SH3KBP1: variants seen among roughly 807,000 people sequenced by gnomAD.
SH3KBP1 encodes SH3 domain containing kinase binding protein 1, also known as SH3 domain-containing kinase-binding protein 1.
SH3KBP1 carries 8 observed loss-of-function variants against 50.1 expected under a neutral mutation model. The observed-to-expected ratio is 0.16, with a 90% CI of 0.09 to 0.29. SH3KBP1 has a LOEUF of 0.29. SH3KBP1 is among the 10% of genes least tolerant of loss of function. SH3KBP1 has a pLI of 1.00. For synonymous variants in SH3KBP1, 227 were observed against 218.6 expected, an observed-to-expected ratio of 1.04 and a Z score of -0.34; for missense variants, 377 against 535.2, an observed-to-expected ratio of 0.70 and a Z score of 2.92.
chrX:19,653,948 T>C (rs2062205187), intron 6 of SH3KBP1, among the ~76,000 whole-genome samples: 1 of 110,866 alleles, frequency 9.0e-6, no homozygotes, highest in African/African-American at 3.3e-5. Flanking sequence ...AATGGGAAAC[T>C]TTCTCTGAAT....
chrX:19,620,373 A>G (rs1033471810), intron 8 of SH3KBP1, among the ~76,000 whole-genome samples: 4 of 112,281 alleles, frequency 3.6e-5, no homozygotes, highest in Non-Finnish European at 7.5e-5. Flanking sequence ...GTAAATTCCT[A>G]TCTTCCACTT....
intron 2 of SH3KBP1, among the ~76,000 whole-genome samples, chrX:19,793,737 T>C (rs1169446905): frequency 9.0e-6 from 1 of 111,528 alleles, no homozygotes; most frequent in Non-Finnish European, 1.9e-5. Flanking sequence ...AACTTGGCAG[T>C]GATTTTTACT....
At chrX:19,742,161 C>T (rs1261019971) in intron 3 of SH3KBP1, among the ~76,000 whole-genome samples, 4 of 110,211 alleles carry the variant, frequency 3.6e-5, no homozygotes, top group African/African-American at 1.3e-4. Flanking sequence ...AGTGCAGTGG[C>T]GCTATCACAG....
At chrX:19,558,327 T>G (rs999019033) in intron 13 of SH3KBP1, among the ~76,000 whole-genome samples, 4 of 112,504 alleles carry the variant, frequency 3.6e-5, no homozygotes, top group Non-Finnish European at 7.5e-5. Flanking sequence ...AAAATAATTT[T>G]GGAAACCCTT....
Position 19,592,062 on chromosome X carries a change from C to T in SH3KBP1, c.1138+5G>A. The T allele has an allele frequency of 8.4e-7, 1 of 1,190,997 alleles. No homozygotes were observed. On this transcript the variant is annotated splice_donor_5th_base_variant and intron_variant, in intron 11 of 17. Transcript: ENST00000397821. ...GGAAGTGCCAATGAAGAATTGATTTCATACCTTTTTCTTCTGTTCTGTTTG... is the reference window on the plus strand; with the variant it reads ...GGAAGTGCCAATGAAGAATTGATTTTATACCTTTTTCTTCTGTTCTGTTTG...
chrX:19,844,643 T>A (rs192754514), intron 1 of SH3KBP1, among the ~76,000 whole-genome samples: 1 of 111,636 alleles, frequency 9.0e-6, no homozygotes, highest in East Asian at 2.8e-4. Context: ...CTGTGGGCCT[T>A]GAGTCCCCTA....
intron 4 of SH3KBP1, among the ~76,000 whole-genome samples, chrX:19,704,024 T>C (rs1394808525): frequency 9.0e-6 from 1 of 111,179 alleles, no homozygotes; most frequent in Non-Finnish European, 1.9e-5. Context: ...TTTTATATTA[T>C]ACAGTGACAA....
At chrX:19,687,488 C>T (rs2063191978) in intron 5 of SH3KBP1, 3 of 554,745 alleles carry the variant, frequency 5.4e-6, no homozygotes, top group Admixed American at 2.7e-5. Flanking sequence ...AAGTCCATGT[C>T]CTTGGATCAG....
At position 19,588,860 on chromosome X, in the gene SH3KBP1, T is replaced by C. The variant is rs753556238; in HGVS notation, c.1139-58A>G. 3.0e-5 allele frequency: 28 copies of C among 941,623 alleles called. 1 individual carries two copies. Among genetic ancestry groups the C allele is most frequent in the Non-Finnish European group, 3.6e-5 (26 of 715,625 alleles). The allele number at this position is 941,623 out of a possible 1,213,427, so 77.6% of individuals were successfully genotyped here. A position where few individuals can be genotyped will look rare whatever the true frequency, so the allele number is the denominator to read the frequency against. ...TCGAGTGTAAGTGACAGTACTTAGA[T>C]GCAGATCACTCATTTCCTGCTAAAA... On this transcript the variant is annotated intron_variant, in intron 11 of 17. Coordinates refer to ENST00000397821, the MANE Select transcript of SH3KBP1 (RefSeq NM_031892.3).
intron 4 of SH3KBP1, among the ~76,000 whole-genome samples, chrX:19,698,635 G>C (rs1485529031): frequency 8.9e-6 from 1 of 111,962 alleles, no homozygotes; most frequent in African/African-American, 3.2e-5. Flanking sequence ...AGCCCTTCAT[G>C]GGGGTGGTGG....
chrX:19,858,438 T>A (rs1452331597), intron 1 of SH3KBP1, among the ~76,000 whole-genome samples: 4 of 110,652 alleles, frequency 3.6e-5, no homozygotes, highest in Non-Finnish European at 7.6e-5. Flanking sequence ...CTGGCCAACA[T>A]AGTGAGATCC....
At chrX:19,605,033 C>T (rs1220443542) in intron 9 of SH3KBP1, among the ~76,000 whole-genome samples, 3 of 111,072 alleles carry the variant, frequency 2.7e-5, no homozygotes, top group Non-Finnish European at 5.7e-5. Context: ...TCCCAAAGAG[C>T]GTGCCATGCC....
intron 2 of SH3KBP1, among the ~76,000 whole-genome samples, chrX:19,788,269 C>CAAAAAAAAAA (rs1227301099): frequency 3.9e-4 from 10 of 25,581 alleles, no homozygotes; most frequent in African/African-American, 6.0e-4. Context: ...ATTCTATCTC[C>CAAAAAAAAAA]AAAAAAAAAA....
At chrX:19,760,009 G>GTCTCTCTCTCTCTCTTC (rs1210555924) in intron 2 of SH3KBP1, among the ~76,000 whole-genome samples, 1 of 55,456 alleles carries the variant, frequency 1.8e-5, no homozygotes, top group Non-Finnish European at 3.4e-5. Flanking sequence ...ATCAGTCTCG[G>GTCTCTCTCTCTCTCTTC]TCTCTCTCTC....
intron 2 of SH3KBP1, among the ~76,000 whole-genome samples, chrX:19,788,281 AAAAAC>A (rs1341821189): frequency 0.038 from 3,797 of 98,836 alleles, 78 homozygotes; most frequent in Non-Finnish European, 0.061. Context: ...AAAAAAAAAA[AAAAAC>A]AAAAAAAAAA....
At chrX:19,837,112 G>A (rs749618807) in intron 1 of SH3KBP1, among the ~76,000 whole-genome samples, 4 of 111,904 alleles carry the variant, frequency 3.6e-5, no homozygotes, top group South Asian at 3.7e-4. Flanking sequence ...TACACCATCC[G>A]ACAGAGGTAA....
rs1194886255 is a variant in SH3KBP1, at chrX:19,801,271, GAAC to G, written c.162+34851_162+34853del. On this transcript the variant is annotated intron_variant, in intron 2 of 17. Transcript: ENST00000397821. The stretch of plus-strand genomic sequence containing the variant: ...CAGCCCTTGGGTGAAGCTACTGCCA[GAAC>G]AACACGGTGGGGGAAGAGACAGCAA... 3.6e-5 allele frequency among the ~76,000 whole-genome samples: 4 copies of G among 112,110 alleles called. 1 individual carries two copies. Among genetic ancestry groups the G allele is most frequent in the Non-Finnish European group, 7.5e-5 (4 of 53,219 alleles).
intron 2 of SH3KBP1, among the ~76,000 whole-genome samples, chrX:19,833,160 C>T (rs959291397): frequency 9.0e-6 from 1 of 110,899 alleles, no homozygotes; most frequent in Non-Finnish European, 1.9e-5. Context: ...CCTCTCCTTC[C>T]CACGGTCCTC....
At chrX:19,577,541 C>T (rs1006992495) in intron 12 of SH3KBP1, among the ~76,000 whole-genome samples, 1 of 111,149 alleles carries the variant, frequency 9.0e-6, no homozygotes, top group African/African-American at 3.3e-5. Flanking sequence ...AGATGGGGCT[C>T]GTGCACAGAC....
Sources: gnomAD v4.1 joint callset for allele counts (sites outside exome capture counted in the v4.1 genomes callset) on GRCh38, gnomAD v4.1.1 for gene constraint, MANE v1.5 for transcripts, NCBI Gene and HGNC (gene_info 2026-07-23, HGNC 2026-07-21) for gene names.